ASTN2: variants seen among roughly 807,000 people sequenced by gnomAD.
ASTN2 encodes astrotactin 2.
In ASTN2, 54 loss-of-function variants were observed where a neutral mutation model predicts 139.8. The ratio of observed to expected loss-of-function variants is 0.39; its 90% CI spans 0.31 to 0.48. ASTN2 has a LOEUF of 0.48. Ranked by LOEUF, ASTN2 falls within the 20% of genes least tolerant of loss-of-function variation. The pLI, the probability that ASTN2 is intolerant of heterozygous loss-of-function variation, is 0.95. For synonymous variants in ASTN2, 756 were observed against 719.5 expected (o/e 1.05, Z -0.81); for missense variants, 1,565 against 1,725.1 (o/e 0.91, Z 1.64).
At chr9:116,854,005 A>G (rs1048152899) in intron 11 of ASTN2, among the ~76,000 whole-genome samples, 25 of 152,178 alleles carry the variant, frequency 1.6e-4, no homozygotes, top group African/African-American at 5.5e-4. Flanking sequence ...TTAGTGATAT[A>G]TATGAATTTG....
chr9:116,558,883 G>T (rs1380531000), intron 19 of ASTN2, among the ~76,000 whole-genome samples: 5 of 152,090 alleles, frequency 3.3e-5, no homozygotes, highest in African/African-American at 1.2e-4. Context: ...TTATCTAAAT[G>T]GCCTGGCACA....
intron 2 of ASTN2, among the ~76,000 whole-genome samples, chr9:117,249,687 C>T (rs1387215525): frequency 7.8e-6 from 1 of 128,984 alleles, no homozygotes; most frequent in Non-Finnish European, 1.8e-5. Context: ...AAACCACTGA[C>T]ATTGTCTTTT....
intron 19 of ASTN2, among the ~76,000 whole-genome samples, chr9:116,606,316 C>T (rs1301155557): frequency 6.6e-6 from 1 of 152,066 alleles, no homozygotes; most frequent in African/African-American, 2.4e-5. Context: ...GAGGTGGGGG[C>T]AGGGGTAGGA....
chr9:116,929,192 C>G (rs192071867), intron 10 of ASTN2, among the ~76,000 whole-genome samples: 48 of 152,200 alleles, frequency 3.2e-4, no homozygotes, highest in Non-Finnish European at 6.0e-4. Context: ...ACTAATAGGA[C>G]TTAGTACACA....
intron 10 of ASTN2, among the ~76,000 whole-genome samples, chr9:116,864,601 T>A (rs1183155031): frequency 6.6e-6 from 1 of 152,074 alleles, no homozygotes; most frequent in Admixed American, 6.5e-5. Context: ...TGCTCTGGGG[T>A]ATATGATTCC....
At chr9:117,102,353 A>C (rs1269678972) in intron 4 of ASTN2, among the ~76,000 whole-genome samples, 3 of 152,160 alleles carry the variant, frequency 2.0e-5, no homozygotes, top group African/African-American at 7.2e-5. Context: ...ATGGAAGTAG[A>C]CTAGTGGTGG....
chr9:116,480,442 C>T (rs572807859), intron 20 of ASTN2, among the ~76,000 whole-genome samples: 7 of 152,096 alleles, frequency 4.6e-5, no homozygotes, highest in South Asian at 2.1e-4. Context: ...TCAAATAATT[C>T]GACAAAGATT....
In ASTN2 at chr9:116,804,135, A is replaced by G. The variant is rs73655493; in HGVS notation, c.2396+1497T>C. Among the ~76,000 whole-genome samples the G allele has an allele frequency of 3.8e-3, 583 of 152,252 alleles. 4 individuals are homozygous for G. Among genetic ancestry groups the G allele is most frequent in the African/African-American group, 0.013 (547 of 41,552 alleles). ...GAAAGAGGAGATTCTCAAAGAGTAT[A>G]TGATGATTACAAGGATGAACGGTTT... is the stretch of plus-strand genomic sequence containing the variant. On this transcript the variant is annotated intron_variant, in intron 13 of 22. Coordinates refer to ENST00000313400, the MANE Select transcript of ASTN2 (RefSeq NM_001365068.1).
intron 19 of ASTN2, among the ~76,000 whole-genome samples, chr9:116,536,100 T>A (rs960917862): frequency 2.0e-5 from 3 of 152,056 alleles, no homozygotes; most frequent in East Asian, 3.9e-4. Context: ...CTTCATTTCA[T>A]TCATTTGATC....
At chr9:116,549,742 C>T (rs1852261145) in intron 19 of ASTN2, among the ~76,000 whole-genome samples, 1 of 152,180 alleles carries the variant, frequency 6.6e-6, no homozygotes, top group South Asian at 2.1e-4. Context: ...GCCTCCAGGC[C>T]TTTGTTTGAT....
intron 1 of ASTN2, among the ~76,000 whole-genome samples, chr9:117,401,317 G>T (rs945784441): frequency 2.6e-5 from 4 of 152,144 alleles, no homozygotes; most frequent in Non-Finnish European, 5.9e-5. Flanking sequence ...GTCAGGTAAA[G>T]GCTTTTAAAA....
intron 16 of ASTN2, among the ~76,000 whole-genome samples, chr9:116,672,516 T>C (rs1859258800): frequency 6.6e-6 from 1 of 152,202 alleles, no homozygotes; most frequent in Non-Finnish European, 1.5e-5. Flanking sequence ...GAGACTATTG[T>C]GTTGAGAATA....
chr9:116,846,552 C>T (rs1018255116), intron 11 of ASTN2, among the ~76,000 whole-genome samples: 3 of 152,122 alleles, frequency 2.0e-5, no homozygotes, highest in African/African-American at 7.2e-5. Flanking sequence ...TACTGCGTGG[C>T]TGGGTTTGCT....
chr9:116,457,152 T>C (rs531100215), intron 20 of ASTN2, among the ~76,000 whole-genome samples: 1 of 152,094 alleles, frequency 6.6e-6, no homozygotes, highest in Non-Finnish European at 1.5e-5. Context: ...TATCCATATA[T>C]CAAAGAAAGA....
At chr9:116,893,075 C>T (rs1298636225) in intron 10 of ASTN2, among the ~76,000 whole-genome samples, 1 of 151,948 alleles carries the variant, frequency 6.6e-6, no homozygotes, top group African/African-American at 2.4e-5. Context: ...TCTGATTCTT[C>T]CCATTAGAAT....
At chr9:116,871,392 C>G (rs1176554399) in intron 10 of ASTN2, among the ~76,000 whole-genome samples, 3 of 152,166 alleles carry the variant, frequency 2.0e-5, no homozygotes, top group African/African-American at 2.4e-5. Flanking sequence ...AAGCAGGGTA[C>G]AGTTTAAGTG....
At chr9:116,705,620 TTTA>T (rs1827969969) in intron 16 of ASTN2, among the ~76,000 whole-genome samples, 1 of 152,228 alleles carries the variant, frequency 6.6e-6, no homozygotes, top group Non-Finnish European at 1.5e-5. Context: ...ACATCTACCC[TTTA>T]TTATTATTAG....
At chr9:116,642,941 G>T (rs1373322074) in intron 17 of ASTN2, among the ~76,000 whole-genome samples, 1 of 152,046 alleles carries the variant, frequency 6.6e-6, no homozygotes, top group African/African-American at 2.4e-5. Flanking sequence ...AAATCTTTCA[G>T]GCCTGTTGCA....
Position 117,197,870 on chromosome 9 carries a change from A to G in ASTN2, c.1015+16488T>C, listed in dbSNP as rs1222573254. On this transcript the variant is annotated intron_variant, in intron 3 of 22. Coordinates refer to ENST00000313400, the MANE Select transcript of ASTN2 (RefSeq NM_001365068.1). ...TATAGATTGGTAATTTTTTTCCTATAAGCACTTTAATGATGTAATTCCATT... is the reference window on the plus strand; with the variant it reads ...TATAGATTGGTAATTTTTTTCCTATGAGCACTTTAATGATGTAATTCCATT... 3.9e-5 allele frequency among the ~76,000 whole-genome samples: 6 copies of G among 152,284 alleles called. No individual in the cohort carries two copies. The South Asian group carries it at 6.2e-4, about 16-fold the overall frequency.
Sources: gnomAD v4.1 joint callset for allele counts (sites outside exome capture counted in the v4.1 genomes callset) on GRCh38, gnomAD v4.1.1 for gene constraint, MANE v1.5 for transcripts, NCBI Gene and HGNC (gene_info 2026-07-23, HGNC 2026-07-21) for gene names.